TSHR: variants seen among roughly 807,000 people sequenced by gnomAD.
TSHR encodes thyroid stimulating hormone receptor.
A neutral mutation model predicts 64.1 loss-of-function variants in TSHR; 51 were observed. That is an observed-to-expected ratio of 0.80 (90% CI 0.64 to 1.01). The LOEUF (loss-of-function observed/expected upper bound fraction) is 1.01, where lower values mean the gene tolerates loss of function less well. TSHR is among the 50% of genes least tolerant of loss of function. TSHR has a pLI of 0.00. For missense variants in TSHR, 877 were observed against 942.8 expected (o/e 0.93, Z 0.91); for synonymous variants, 361 against 361.9 (o/e 1.00, Z 0.03).
At chr14:80,970,748 G>A (rs748435670) in intron 1 of TSHR, among the ~76,000 whole-genome samples, 4 of 152,194 alleles carry the variant, frequency 2.6e-5, no homozygotes, top group African/African-American at 7.2e-5. Flanking sequence ...AAGCCAAGAC[G>A]CCCAGCAAGT....
intron 1 of TSHR, among the ~76,000 whole-genome samples, chr14:81,043,297 G>A (rs1885011542): frequency 6.6e-6 from 1 of 151,894 alleles, no homozygotes; most frequent in South Asian, 2.1e-4. Flanking sequence ...CAAACAACAG[G>A]CAAGCAGAGA....
chr14:81,022,347 T>A (rs1332108491), intron 1 of TSHR, among the ~76,000 whole-genome samples: 2 of 152,142 alleles, frequency 1.3e-5, no homozygotes, highest in African/African-American at 4.8e-5. Context: ...TCAACTTGTG[T>A]TGTGTGCCAC....
chr14:81,139,871 A>G lies in TSHR; in HGVS notation c.881+4A>G. 6.2e-7 allele frequency: 1 copy of G among 1,614,190 alleles called. No individual in the cohort carries two copies. The highest frequency in any genetic ancestry group is 1.3e-5 in the African/African-American group (1 of 75,056). ...AGAATCAGAAGAAAATCAGAGGGTA[A>G]GTGGCAGGGACCCGGCATAAGTGAC... On this transcript the variant is annotated splice_donor_region_variant and intron_variant, in intron 9 of 9. Coordinates refer to ENST00000298171, the MANE Select transcript of TSHR (RefSeq NM_000369.5).
chr14:81,065,150 C>G (rs1481695425), intron 2 of TSHR, among the ~76,000 whole-genome samples: 1 of 152,060 alleles, frequency 6.6e-6, no homozygotes, highest in Non-Finnish European at 1.5e-5. Flanking sequence ...GATTGAATCC[C>G]AGGTACCACC....
intron 3 of TSHR, among the ~76,000 whole-genome samples, chr14:81,073,040 A>C (rs1887232959): frequency 7.4e-6 from 1 of 135,710 alleles, no homozygotes; most frequent in Non-Finnish European, 1.6e-5. Context: ...ATATATATAT[A>C]TATATATATA....
At chr14:81,066,040 A>G (rs895603412) in intron 2 of TSHR, among the ~76,000 whole-genome samples, 33 of 152,214 alleles carry the variant, frequency 2.2e-4, no homozygotes, top group African/African-American at 7.7e-4. Flanking sequence ...AAATGGGGTA[A>G]GTAAGCAGGG....
intron 1 of TSHR, among the ~76,000 whole-genome samples, chr14:81,043,515 G>A (rs975682775): frequency 1.3e-5 from 2 of 152,310 alleles, no homozygotes; most frequent in South Asian, 4.1e-4. Flanking sequence ...ACTGCCCAAA[G>A]TAATTTATAG....
chr14:81,113,811 C>G (rs1729410199), intron 8 of TSHR, among the ~76,000 whole-genome samples: 1 of 152,070 alleles, frequency 6.6e-6, no homozygotes, highest in South Asian at 2.1e-4. Context: ...CTTAAGTGTT[C>G]TGCAAATGAG....
intron 8 of TSHR, among the ~76,000 whole-genome samples, chr14:81,111,598 T>C (rs1172518242): frequency 6.6e-6 from 1 of 152,190 alleles, no homozygotes; most frequent in South Asian, 2.1e-4. Context: ...CAATGGTCCA[T>C]CCATATCGAA....
intron 1 of TSHR, among the ~76,000 whole-genome samples, chr14:80,975,632 C>A (rs1182678378): frequency 6.6e-6 from 1 of 152,120 alleles, no homozygotes; most frequent in Non-Finnish European, 1.5e-5. Flanking sequence ...TGGCTTTTGC[C>A]CCCATTACTT....
At chr14:81,030,500 C>A (rs1873626523) in intron 1 of TSHR, among the ~76,000 whole-genome samples, 1 of 152,054 alleles carries the variant, frequency 6.6e-6, no homozygotes, top group Non-Finnish European at 1.5e-5. Context: ...AAGTATTAAT[C>A]TTTTTTTCTC....
rs908336752 is a variant in TSHR at position 81,104,499 on chromosome 14, A to G, written c.615-3876A>G. On this transcript the variant is annotated intron_variant, in intron 7 of 9. Coordinates refer to ENST00000298171, the MANE Select transcript of TSHR (RefSeq NM_000369.5). ...ACGACATCACACTCCTCTCTCTGGC[A>G]TAGATCACGTCTTTCTAAACCTGGT... 4 of 985,318 alleles carry G rather than the reference A, an allele frequency of 4.1e-6. No homozygotes were observed. In the Admixed American group the frequency reaches 1.8e-4, roughly 45 times the overall value. The allele number at this position is 985,318 out of a possible 1,614,324, so 61.0% of individuals were successfully genotyped here.
intron 7 of TSHR, chr14:81,099,675 G>A (rs1889444293): frequency 6.6e-6 from 1 of 152,204 alleles, no homozygotes; most frequent in Non-Finnish European, 1.5e-5. Flanking sequence ...CCATTCGTGA[G>A]CTTCCAGATG....
At chr14:81,057,937 T>C (rs1342493414) in intron 1 of TSHR, among the ~76,000 whole-genome samples, 2 of 152,244 alleles carry the variant, frequency 1.3e-5, no homozygotes, top group Non-Finnish European at 2.9e-5. Flanking sequence ...ACACAAGCTA[T>C]GTGTTTAAGA....
intron 1 of TSHR, among the ~76,000 whole-genome samples, chr14:80,969,459 C>A (rs1053599880): frequency 1.4e-4 from 21 of 152,164 alleles, no homozygotes; most frequent in African/African-American, 4.3e-4. Flanking sequence ...ATTACTATTT[C>A]TTACAGGGTG....
At chr14:81,032,629 G>A in intron 1 of TSHR, 1 of 432,434 alleles carries the variant, frequency 2.3e-6, no homozygotes. Flanking sequence ...GCCAAGGACT[G>A]CATGAATTGA....
At chr14:81,087,660 T>G (rs113245000) in intron 3 of TSHR, 6,846 of 396,250 alleles carry the variant, frequency 0.017, 287 homozygotes, top group African/African-American at 0.1. Flanking sequence ...TCTCTAAATG[T>G]AAAAGAAAAA....
chr14:81,086,759 C>T (rs1004503367), intron 3 of TSHR, among the ~76,000 whole-genome samples: 3 of 152,202 alleles, frequency 2.0e-5, no homozygotes, highest in Non-Finnish European at 4.4e-5. Flanking sequence ...GAGTGAACTA[C>T]TAATTCATGT....
intron 1 of TSHR, among the ~76,000 whole-genome samples, chr14:80,989,472 G>T (rs190106332): frequency 1.3e-5 from 2 of 151,828 alleles, no homozygotes; most frequent in East Asian, 1.9e-4. Flanking sequence ...CTTAATTTAC[G>T]CCTTGCCACA....
Sources: allele counts gnomAD v4.1 joint callset (sites outside exome capture counted in the v4.1 genomes callset), GRCh38; gene constraint gnomAD v4.1.1; transcripts MANE v1.5; gene names NCBI Gene and HGNC (gene_info 2026-07-23, HGNC 2026-07-21).